The following HS3ST5 variants were observed in gnomAD, a reference collection of about 807,000 sequenced individuals.
HS3ST5 encodes the protein heparan sulfate glucosamine 3-O-sulfotransferase 5.
In HS3ST5, 10 loss-of-function variants were observed where a neutral mutation model predicts 25.4. The observed-to-expected ratio is 0.39, with a 90% CI of 0.24 to 0.67. The LOEUF (loss-of-function observed/expected upper bound fraction) is 0.67, where lower values mean the gene tolerates loss of function less well. Among genes scored for constraint, HS3ST5 ranks in the 30% least tolerant of loss-of-function variants. HS3ST5 has a pLI of 0.44. For synonymous variants in HS3ST5, 170 were observed against 162.4 expected (o/e 1.05, Z -0.36); for missense variants, 324 against 420.7 (o/e 0.77, Z 2.01).
At chr6:114,194,146 A>G (rs779157279) in intron 2 of HS3ST5, among the ~76,000 whole-genome samples, 17 of 152,180 alleles carry the variant, frequency 1.1e-4, no homozygotes, top group Non-Finnish European at 1.6e-4. Flanking sequence ...CTCAGAAATC[A>G]ATCCTCTAAT....
chr6:114,115,015 C>T (rs931582433), intron 3 of HS3ST5, among the ~76,000 whole-genome samples: 4 of 152,028 alleles, frequency 2.6e-5, no homozygotes, highest in South Asian at 2.1e-4. Flanking sequence ...GTCCTGGTCC[C>T]GAAATCAAGT....
intron 2 of HS3ST5, among the ~76,000 whole-genome samples, chr6:114,227,048 C>A (rs1453579525): frequency 6.6e-6 from 1 of 151,822 alleles, no homozygotes; most frequent in Non-Finnish European, 1.5e-5. Flanking sequence ...TCAGGTATGA[C>A]AATCTTACTA....
At chr6:114,299,910 G>A (rs1408617298) in intron 1 of HS3ST5, among the ~76,000 whole-genome samples, 1 of 152,172 alleles carries the variant, frequency 6.6e-6, no homozygotes, top group Non-Finnish European at 1.5e-5. Flanking sequence ...GTGGCTGCTA[G>A]GAGCTAAATG....
chr6:114,302,530 T>C (rs1172208653), intron 1 of HS3ST5, among the ~76,000 whole-genome samples: 1 of 152,156 alleles, frequency 6.6e-6, no homozygotes, highest in Admixed American at 6.5e-5. Context: ...AAGAAGGACA[T>C]CTGGAGAGCA....
chr6:114,139,464 A>G (rs1777796636), intron 3 of HS3ST5, among the ~76,000 whole-genome samples: 2 of 152,300 alleles, frequency 1.3e-5, no homozygotes, highest in South Asian at 4.2e-4. Flanking sequence ...GTAATTCAGC[A>G]TGAGTAGACC....
At chr6:114,070,606 G>A (rs902646351) in intron 3 of HS3ST5, among the ~76,000 whole-genome samples, 1 of 152,102 alleles carries the variant, frequency 6.6e-6, no homozygotes, top group Non-Finnish European at 1.5e-5. Context: ...CTTATGTGCT[G>A]GTCTTTGTAA....
intron 3 of HS3ST5, among the ~76,000 whole-genome samples, chr6:114,105,403 A>C (rs1383690753): frequency 6.6e-6 from 1 of 152,184 alleles, no homozygotes; most frequent in Admixed American, 6.5e-5. Flanking sequence ...TAATTAGTTA[A>C]TCGGTGCTGT....
intron 2 of HS3ST5, among the ~76,000 whole-genome samples, chr6:114,175,530 C>T (rs553438401): frequency 2.6e-5 from 4 of 152,066 alleles, no homozygotes; most frequent in South Asian, 2.1e-4. Flanking sequence ...TTAAGAATAC[C>T]CAAAATAACA....
chr6:114,278,058 A>T (rs1292706649), intron 1 of HS3ST5, among the ~76,000 whole-genome samples: 1 of 151,964 alleles, frequency 6.6e-6, no homozygotes, highest in African/African-American at 2.4e-5. Flanking sequence ...TGGGAGAAAC[A>T]ATAGGTGATT....
chr6:114,210,654 C>T (rs1781477834), intron 2 of HS3ST5, among the ~76,000 whole-genome samples: 1 of 152,190 alleles, frequency 6.6e-6, no homozygotes, highest in Admixed American at 6.5e-5. Flanking sequence ...TTAGAAGGTA[C>T]CAAGGACAAG....
intron 1 of HS3ST5, among the ~76,000 whole-genome samples, chr6:114,314,464 A>G (rs987862794): frequency 1.3e-5 from 2 of 152,208 alleles, no homozygotes; most frequent in Non-Finnish European, 1.5e-5. Flanking sequence ...TGAAATCCAT[A>G]TATATGCCTC....
intron 1 of HS3ST5, among the ~76,000 whole-genome samples, chr6:114,332,021 C>T (rs1014354508): frequency 6.6e-6 from 1 of 151,704 alleles, no homozygotes; most frequent in African/African-American, 2.4e-5. Flanking sequence ...TAAAAGAAAA[C>T]CTCAGAAATG....
At chr6:114,241,136 T>TG (rs1305719409) in intron 1 of HS3ST5, among the ~76,000 whole-genome samples, 30 of 145,848 alleles carry the variant, frequency 2.1e-4, no homozygotes, top group South Asian at 8.4e-4. Context: ...AAATCAGTTT[T>TG]TTTTTTTTTT....
chr6:114,146,825 C>T (rs377735091), intron 3 of HS3ST5, among the ~76,000 whole-genome samples: 110 of 152,278 alleles, frequency 7.2e-4, no homozygotes, highest in African/African-American at 2.4e-3. Context: ...TTCCTGCTCC[C>T]GCTTTACCCT....
intron 3 of HS3ST5, among the ~76,000 whole-genome samples, chr6:114,096,870 T>C (rs1021192470): frequency 6.6e-6 from 1 of 152,148 alleles, no homozygotes; most frequent in African/African-American, 2.4e-5. Context: ...ATATTAACAT[T>C]TGCATGTTTG....
At chr6:114,088,873 A>G (rs1300054851) in intron 3 of HS3ST5, 2 of 152,180 alleles carry the variant, frequency 1.3e-5, no homozygotes, top group African/African-American at 4.8e-5. Flanking sequence ...GAGAATCAAC[A>G]CTAAGAACAT....
intron 1 of HS3ST5, among the ~76,000 whole-genome samples, chr6:114,304,797 T>TA (rs1775222116): frequency 6.6e-6 from 1 of 152,156 alleles, no homozygotes; most frequent in Non-Finnish European, 1.5e-5. Flanking sequence ...TGAAAAGTTC[T>TA]AGTGTCTGAC....
Position 114,176,873 on chromosome 6 carries a change from T to C in HS3ST5, c.-144-8411A>G, listed in dbSNP as rs141208532. On this transcript the variant is annotated intron_variant, in intron 2 of 4. Coordinates refer to ENST00000312719, the MANE Select transcript of HS3ST5 (RefSeq NM_153612.4). Reference sequence around the variant, plus strand: ...ATGAGAGTCACTCCCAAGACTGGTCTGTTCCCCAGGTGATTCTGCAGCCAG... The same window carrying C: ...ATGAGAGTCACTCCCAAGACTGGTCCGTTCCCCAGGTGATTCTGCAGCCAG... Among the ~76,000 whole-genome samples the C allele has an allele frequency of 2.4e-3, 361 of 152,332 alleles. 3 individuals are homozygous for C. Among genetic ancestry groups the C allele is most frequent in the African/African-American group, 8.2e-3 (341 of 41,568 alleles).
intron 2 of HS3ST5, among the ~76,000 whole-genome samples, chr6:114,180,298 C>T (rs1779914953): frequency 6.6e-6 from 1 of 152,080 alleles, no homozygotes; most frequent in South Asian, 2.1e-4. Flanking sequence ...CTCCTATCTC[C>T]CAATGTATGT....
Sources: allele counts gnomAD v4.1 joint callset (sites outside exome capture counted in the v4.1 genomes callset), GRCh38; gene constraint gnomAD v4.1.1; transcripts MANE v1.5; gene names NCBI Gene and HGNC (gene_info 2026-07-23, HGNC 2026-07-21).